The following SLC13A4 variants were observed in gnomAD, a reference collection of about 807,000 sequenced individuals.
SLC13A4 encodes solute carrier family 13 member 4.
SLC13A4 carries 28 observed loss-of-function variants against 72.7 expected under a neutral mutation model. That is an observed-to-expected ratio of 0.39 (90% CI 0.29 to 0.53). The LOEUF is 0.53. Ranked by LOEUF, SLC13A4 falls within the 20% of genes least tolerant of loss-of-function variation. The pLI, the probability that SLC13A4 is intolerant of heterozygous loss-of-function variation, is 0.78. For missense variants in SLC13A4, 653 were observed against 788.0 expected (o/e 0.83, Z 2.05); for synonymous variants, 312 against 325.5 (o/e 0.96, Z 0.45).
intron 2 of SLC13A4, among the ~76,000 whole-genome samples, chr7:135,720,396 C>T (rs562549063): frequency 9.9e-5 from 15 of 152,086 alleles, no homozygotes; most frequent in South Asian, 6.2e-4. Context: ...TACTAGCATG[C>T]GCCTTGTACA....
At chr7:135,697,582 TCTC>T (rs1345566873) in intron 8 of SLC13A4, among the ~76,000 whole-genome samples, 4 of 146,530 alleles carry the variant, frequency 2.7e-5, no homozygotes, top group Admixed American at 2.1e-4. Context: ...TCCAATCTGT[TCTC>T]CTTTTTTTTT....
At chr7:135,697,335 A>T (rs1462376875) in intron 8 of SLC13A4, among the ~76,000 whole-genome samples, 3 of 151,974 alleles carry the variant, frequency 2.0e-5, no homozygotes. Flanking sequence ...AACACCCCAT[A>T]CTTCCTCTTT....
At chr7:135,683,798 C>T (rs2129493666) in intron 15 of SLC13A4, 1 of 985,242 alleles carries the variant, frequency 1.0e-6, no homozygotes, top group South Asian at 4.7e-5. Context: ...AATGTCTCCA[C>T]TGGCCTAATG....
intron 13 of SLC13A4, among the ~76,000 whole-genome samples, chr7:135,689,295 G>C (rs1320489627): frequency 6.6e-6 from 1 of 152,152 alleles, no homozygotes; most frequent in Non-Finnish European, 1.5e-5. Context: ...CTTGGAATGA[G>C]AAATATTGAT....
At chr7:135,721,626 C>T (rs1796551952) in intron 1 of SLC13A4, 103 bp from the exon 2 acceptor site, 13 of 1,463,024 alleles carry the variant, frequency 8.9e-6, no homozygotes, top group South Asian at 2.5e-5. Context: ...GACTGTAACG[C>T]GGGTACTAGG....
rs562449613 is a variant in SLC13A4, at chr7:135,700,861, G to C, written c.714+819C>G. On this transcript the variant is annotated intron_variant, in intron 7 of 15. Coordinates refer to ENST00000682651, the MANE Select transcript of SLC13A4 (RefSeq NM_001318192.2). The stretch of plus-strand genomic sequence containing the variant: ...GACGAGATCTGGCTGTGTTTCCCAG[G>C]CTGGTCTTGAATTCCTGAGCTCAAG... 2.6e-5 allele frequency among the ~76,000 whole-genome samples: 4 copies of C among 152,254 alleles called. No homozygotes were observed. In the East Asian group the frequency reaches 7.7e-4, roughly 29 times the overall value.
At chr7:135,715,440 A>C (rs1261780910) in intron 2 of SLC13A4, among the ~76,000 whole-genome samples, 1 of 149,724 alleles carries the variant, frequency 6.7e-6, no homozygotes. Context: ...CGTGTGTATG[A>C]GTGTGTGAAT....
At chr7:135,717,269 TC>T (rs546177018) in intron 2 of SLC13A4, among the ~76,000 whole-genome samples, 11 of 152,230 alleles carry the variant, frequency 7.2e-5, no homozygotes, top group African/African-American at 2.2e-4. Context: ...ATTCTTTTTT[TC>T]CCCCCTGGAA....
intron 2 of SLC13A4, among the ~76,000 whole-genome samples, chr7:135,720,293 A>G (rs144482863): frequency 3.6e-3 from 552 of 152,258 alleles, no homozygotes; most frequent in Middle Eastern, 0.014. Flanking sequence ...TTTGAATTCT[A>G]ATAGTTACGG....
intron 6 of SLC13A4, chr7:135,702,517 C>T (rs986539886): frequency 4.8e-5 from 13 of 272,890 alleles, no homozygotes; most frequent in South Asian, 2.5e-4. Context: ...TGGGGATTAC[C>T]GGTGCCCATC....
intron 15 of SLC13A4, chr7:135,683,529 A>G: frequency 1.1e-5 from 11 of 985,002 alleles, no homozygotes; most frequent in Non-Finnish European, 1.3e-5. Flanking sequence ...GTGTATAGGT[A>G]GAGGAGTAGA....
At chr7:135,726,977 C>T (rs1283992132) in intron 1 of SLC13A4, among the ~76,000 whole-genome samples, 1 of 152,182 alleles carries the variant, frequency 6.6e-6, no homozygotes, top group Admixed American at 6.5e-5. Context: ...TCCTCAGTGC[C>T]ACTATTGGGA....
At chr7:135,693,959 A>T (rs1795847555) in intron 10 of SLC13A4, among the ~76,000 whole-genome samples, 178 bp downstream of exon 10, 1 of 152,186 alleles carries the variant, frequency 6.6e-6, no homozygotes, top group Non-Finnish European at 1.5e-5. Context: ...AAGGGTGGCC[A>T]CCTGAAATCT....
At chr7:135,719,849 A>G (rs569029394) in intron 2 of SLC13A4, among the ~76,000 whole-genome samples, 53 of 149,048 alleles carry the variant, frequency 3.6e-4, no homozygotes, top group African/African-American at 1.3e-3. Context: ...ACACGCATAT[A>G]TATATGTGTG....
chr7:135,685,552 G>A lies in SLC13A4; in HGVS notation c.1578C>T (p.Ile526=). Residue 526 remains isoleucine, a synonymous_variant, in exon 14 of 16, where the codon ATC becomes ATT. Transcript: ENST00000682651. ...VTEFVSNPAT[I]TIFLPILCSL... ...TGCACAGGATGGGCAGGAAGATGGT[G>A]ATGGTTGCTGGGTTGCTCACAAACT... 6.2e-7 allele frequency: 1 copy of A among 1,614,210 alleles called. No homozygotes were observed. Among genetic ancestry groups the A allele is most frequent in the Non-Finnish European group, 8.5e-7 (1 of 1,180,032 alleles).
chr7:135,692,107 A>G (rs969191188), intron 11 of SLC13A4: 3 of 564,522 alleles, frequency 5.3e-6, no homozygotes, highest in Non-Finnish European at 9.3e-6. Flanking sequence ...GAGCTTATGT[A>G]ATGAGACTAC....
At chr7:135,691,439 CGGGAGGGGGGT>C in intron 12 of SLC13A4, 98 bp downstream of exon 12, 2 of 885,014 alleles carry the variant, frequency 2.3e-6, no homozygotes, top group Non-Finnish European at 3.2e-6. Flanking sequence ...GGGCGGGGGC[CGGGAGGGGGGT>C]GGGAATCTGA....
At chr7:135,712,666 T>C (rs1388353096) in intron 2 of SLC13A4, among the ~76,000 whole-genome samples, 1 of 152,188 alleles carries the variant, frequency 6.6e-6, no homozygotes, top group Non-Finnish European at 1.5e-5. Context: ...GGCTCATCCA[T>C]GCACAGAGCA....
chr7:135,716,109 G>A (rs1796428645), intron 2 of SLC13A4, among the ~76,000 whole-genome samples: 2 of 151,980 alleles, frequency 1.3e-5, no homozygotes. Flanking sequence ...TCTGGTTCTG[G>A]TGTGACGCTT....
Sources: allele counts gnomAD v4.1 joint callset (sites outside exome capture counted in the v4.1 genomes callset), GRCh38; gene constraint gnomAD v4.1.1; transcripts MANE v1.5; gene names NCBI Gene and HGNC (gene_info 2026-07-23, HGNC 2026-07-21).